The following CLASP1 variants were observed in gnomAD, a reference collection of about 807,000 sequenced individuals.
CLASP1 encodes cytoplasmic linker associated protein 1, also known as CLIP-associating protein 1.
A neutral mutation model predicts 192.3 loss-of-function variants in CLASP1; 38 were observed. That is an observed-to-expected ratio of 0.20 (90% CI 0.15 to 0.26). The LOEUF (loss-of-function observed/expected upper bound fraction) is 0.26, where lower values mean the gene tolerates loss of function less well. CLASP1 is among the 10% of genes least tolerant of loss of function. CLASP1 has a pLI of 1.00. For missense variants in CLASP1, 1,433 were observed against 1,932.5 expected, an observed-to-expected ratio of 0.74 and a Z score of 4.85; for synonymous variants, 691 against 712.8, an observed-to-expected ratio of 0.97 and a Z score of 0.49.
chr2:121,370,290 A>C (rs560911412), intron 34 of CLASP1, among the ~76,000 whole-genome samples: 30 of 152,302 alleles, frequency 2.0e-4, no homozygotes, highest in African/African-American at 7.0e-4. Flanking sequence ...GTGGTGGCTA[A>C]GATGGTGAAT....
chr2:121,521,002 G>C (rs1005288611), intron 6 of CLASP1, among the ~76,000 whole-genome samples: 5 of 152,166 alleles, frequency 3.3e-5, no homozygotes, highest in Non-Finnish European at 7.3e-5. Flanking sequence ...AAAGCTTCTA[G>C]AAAACATTTC....
chr2:121,530,793 C>A (rs1050276892), intron 2 of CLASP1: 6 of 592,904 alleles, frequency 1.0e-5, no homozygotes, highest in African/African-American at 5.5e-5. Flanking sequence ...AGCTACCAGA[C>A]CGACTAGGGC....
At position 121,530,599 on chromosome 2, in the gene CLASP1, A is replaced by T. The variant is rs540880883; in HGVS notation, c.196-274T>A. The T allele has an allele frequency of 1.1e-5, 6 of 537,810 alleles. 1 individual carries two copies. The South Asian group carries it at 1.6e-4, about 14-fold the overall frequency. 33.3% of individuals were successfully genotyped at this position (537,810 alleles called of 1,614,324 possible). A position where few individuals can be genotyped will look rare whatever the true frequency, so the allele number is the denominator to read the frequency against. ...CCCGGGTTAGCTGCGGGTGGAGTTC[A>T]AGAGCGCGCCGCGGTCCCGCCCCCG... On this transcript the variant is annotated intron_variant, in intron 2 of 39. Coordinates refer to ENST00000263710, the Ensembl canonical transcript of CLASP1.
intron 7 of CLASP1, among the ~76,000 whole-genome samples, chr2:121,510,991 G>A (rs1025266313): frequency 1.1e-4 from 16 of 152,224 alleles, no homozygotes; most frequent in African/African-American, 3.9e-4. Context: ...GGCAGTGAAG[G>A]CAGCCAGTTC....
At chr2:121,587,472 A>G (rs1326858294) in intron 2 of CLASP1, among the ~76,000 whole-genome samples, 2 of 152,052 alleles carry the variant, frequency 1.3e-5, no homozygotes, top group Non-Finnish European at 2.9e-5. Context: ...AAACCCCTCC[A>G]TTTGGGACCT....
chr2:121,611,403 G>T (rs1156977330), intron 1 of CLASP1, among the ~76,000 whole-genome samples: 1 of 144,160 alleles, frequency 6.9e-6, no homozygotes, highest in South Asian at 2.3e-4. Context: ...AACTGGAGGA[G>T]GAGGAGGAGT....
chr2:121,614,226 T>A (rs2066089743), intron 1 of CLASP1, among the ~76,000 whole-genome samples: 1 of 152,214 alleles, frequency 6.6e-6, no homozygotes, highest in African/African-American at 2.4e-5. Flanking sequence ...CCGGGCGCGG[T>A]GGCTCACGCC....
chr2:121,592,778 G>A lies in CLASP1; in HGVS notation c.195+12923C>T, dbSNP rs567547354. Among the ~76,000 whole-genome samples the A allele has an allele frequency of 3.7e-4, 57 of 152,074 alleles. 1 individual carries two copies. The highest frequency in any genetic ancestry group is 7.4e-4 in the Non-Finnish European group (50 of 67,970). On this transcript the variant is annotated intron_variant, in intron 2 of 39. Coordinates refer to ENST00000263710, the Ensembl canonical transcript of CLASP1. ...CGCCATTCTCCTGCCTCAGCCTCCCGTGTAGCTGGGACTATAGGTGCCCGC... is the reference window on the plus strand; with the variant it reads ...CGCCATTCTCCTGCCTCAGCCTCCCATGTAGCTGGGACTATAGGTGCCCGC...
rs192790117 is a variant in CLASP1, at chr2:121,372,389, C to A, written c.3643-4558G>T. ...CCTTATCCTTTACCTGGTGATTTCA[C>A]TTACTTTTCTTTAGTTATCTTCAAG... On this transcript the variant is annotated intron_variant, in intron 34 of 39. Transcript: ENST00000263710. Among the ~76,000 whole-genome samples the A allele has an allele frequency of 3.0e-3, 454 of 152,256 alleles. 9 individuals carry two copies. Among genetic ancestry groups the A allele is most frequent in the Non-Finnish European group, 7.6e-4 (52 of 68,016 alleles).
intron 30 of CLASP1, among the ~76,000 whole-genome samples, chr2:121,395,422 T>C: frequency 6.6e-6 from 1 of 152,212 alleles, no homozygotes; most frequent in Non-Finnish European, 1.5e-5. Flanking sequence ...ATTAATTCAT[T>C]CAAAACATAT....
chr2:121,606,930 C>T (rs1166736991), intron 1 of CLASP1, among the ~76,000 whole-genome samples: 1 of 151,562 alleles, frequency 6.6e-6, no homozygotes, highest in Non-Finnish European at 1.5e-5. Context: ...GGTGGCAGTG[C>T]CTGTAGTCCC....
intron 20 of CLASP1, among the ~76,000 whole-genome samples, chr2:121,427,742 C>T (rs2080691215): frequency 6.6e-6 from 1 of 152,176 alleles, no homozygotes; most frequent in South Asian, 2.1e-4. Context: ...TGTATCACTA[C>T]CATCTTCAAA....
chr2:121,388,234 A>T (rs755468950), intron 30 of CLASP1, among the ~76,000 whole-genome samples: 3 of 152,238 alleles, frequency 2.0e-5, no homozygotes, highest in African/African-American at 7.2e-5. Flanking sequence ...AAAAAATTTT[A>T]AAAAGTTTAA....
chr2:121,563,112 G>A (rs1477680891), intron 2 of CLASP1, among the ~76,000 whole-genome samples: 1 of 152,166 alleles, frequency 6.6e-6, no homozygotes, highest in African/African-American at 2.4e-5. Context: ...CAAGTACAAG[G>A]CATCTCTTCT....
intron 23 of CLASP1, among the ~76,000 whole-genome samples, chr2:121,413,231 A>G (rs909055942): frequency 6.6e-6 from 1 of 152,198 alleles, no homozygotes; most frequent in Admixed American, 6.5e-5. Flanking sequence ...CTACACTCCA[A>G]GCCTGGGCAA....
intron 8 of CLASP1, among the ~76,000 whole-genome samples, chr2:121,502,518 G>A (rs1289975786): frequency 1.3e-5 from 2 of 152,166 alleles, no homozygotes; most frequent in African/African-American, 4.8e-5. Context: ...CAGGCAGAAG[G>A]AATTACAAGC....
chr2:121,449,453 C>T (rs960567354), intron 16 of CLASP1, among the ~76,000 whole-genome samples: 2 of 152,106 alleles, frequency 1.3e-5, no homozygotes, highest in Non-Finnish European at 2.9e-5. Flanking sequence ...AGGATAGGCT[C>T]ATTAAAATGG....
chr2:121,616,681 C>T (rs1477218635), intron 1 of CLASP1, among the ~76,000 whole-genome samples: 1 of 152,130 alleles, frequency 6.6e-6, no homozygotes, highest in South Asian at 2.1e-4. Flanking sequence ...ACAATATGAT[C>T]GAAAACGAAG....
intron 14 of CLASP1, among the ~76,000 whole-genome samples, chr2:121,452,231 T>C (rs532645762): frequency 1.6e-4 from 25 of 152,338 alleles, no homozygotes; most frequent in Non-Finnish European, 3.1e-4. Flanking sequence ...ATCAGGTCTT[T>C]GCATTAATTT....
Sources: allele counts gnomAD v4.1 joint callset (sites outside exome capture counted in the v4.1 genomes callset), GRCh38; gene constraint gnomAD v4.1.1; transcripts MANE v1.5; gene names NCBI Gene and HGNC (gene_info 2026-07-23, HGNC 2026-07-21).